The following GALNTL6 variants were observed in gnomAD, a reference collection of about 807,000 sequenced individuals.
GALNTL6 encodes the protein polypeptide N-acetylgalactosaminyltransferase like 6.
A neutral mutation model predicts 73.7 loss-of-function variants in GALNTL6; 46 were observed. That is an observed-to-expected ratio of 0.62 (90% confidence interval 0.49 to 0.80). The LOEUF (loss-of-function observed/expected upper bound fraction) is 0.80, where lower values mean the gene tolerates loss of function less well. GALNTL6 is among the 30% of genes least tolerant of loss of function. The probability of loss-of-function intolerance (pLI) is 0.00; values close to 1 mark genes in which losing one functional copy is unlikely to be tolerated. For missense variants in GALNTL6, 604 were observed against 755.0 expected, an observed-to-expected ratio of 0.80 and a Z score of 2.34; for synonymous variants, 259 against 263.7, an observed-to-expected ratio of 0.98 and a Z score of 0.17.
intron 5 of GALNTL6, among the ~76,000 whole-genome samples, chr4:172,734,518 TA>T (rs1736338300): frequency 6.6e-6 from 1 of 152,160 alleles, no homozygotes; most frequent in Non-Finnish European, 1.5e-5. Context: ...GGGCAGTCAT[TA>T]AACCTCAAAG....
chr4:172,004,327 T>C (rs567476645), intron 2 of GALNTL6, among the ~76,000 whole-genome samples: 8 of 152,208 alleles, frequency 5.3e-5, no homozygotes, highest in Non-Finnish European at 1.0e-4. Flanking sequence ...AGAGATAAAA[T>C]CAACAGCAAC....
intron 7 of GALNTL6, among the ~76,000 whole-genome samples, chr4:172,866,439 G>T (rs1271318111): frequency 6.6e-6 from 1 of 152,138 alleles, no homozygotes; most frequent in Non-Finnish European, 1.5e-5. Flanking sequence ...TTTTTCCATT[G>T]TCCAGTGGGG....
At chr4:172,788,564 CG>C (rs888208523) in intron 5 of GALNTL6, among the ~76,000 whole-genome samples, 4 of 148,428 alleles carry the variant, frequency 2.7e-5, no homozygotes, top group Non-Finnish European at 5.9e-5. Flanking sequence ...CCCAGCTACT[CG>C]GGAGGCTGAG....
intron 2 of GALNTL6, among the ~76,000 whole-genome samples, chr4:172,034,391 CGTGCGTGCGTGTGTGTGTGTGT>C (rs1741866210): frequency 2.7e-5 from 2 of 74,924 alleles, no homozygotes; most frequent in South Asian, 1.4e-3. Flanking sequence ...TTAAGGGGAG[CGTGCGTGCGTGTGTGTGTGTGT>C]GTGTGTGTGT....
At chr4:172,376,190 C>T (rs987529975) in intron 5 of GALNTL6, among the ~76,000 whole-genome samples, 1 of 152,130 alleles carries the variant, frequency 6.6e-6, no homozygotes, top group Non-Finnish European at 1.5e-5. Flanking sequence ...AGAAATCATT[C>T]TTACAGGAGA....
intron 2 of GALNTL6, among the ~76,000 whole-genome samples, chr4:172,095,931 A>G (rs956403319): frequency 8.6e-5 from 13 of 151,922 alleles, no homozygotes; most frequent in African/African-American, 3.1e-4. Context: ...AAATTGGGAA[A>G]TTTTAGATTT....
chr4:172,668,251 AT>A (rs1299971251), intron 5 of GALNTL6: 8 of 152,234 alleles, frequency 5.3e-5, no homozygotes, highest in South Asian at 2.1e-4. Context: ...TTTTAAAAAA[AT>A]GAATTGTACA....
intron 2 of GALNTL6, among the ~76,000 whole-genome samples, chr4:172,095,823 A>G (rs10780086): frequency 0.88 from 133,671 of 152,064 alleles, 60,295 homozygotes; most frequent in East Asian, 1. Context: ...TGTTGGAAGA[A>G]TTTTCCCCAC....
chr4:172,722,359 C>T (rs1735532950), intron 5 of GALNTL6, among the ~76,000 whole-genome samples: 1 of 151,732 alleles, frequency 6.6e-6, no homozygotes, highest in Admixed American at 6.6e-5. Context: ...AAAGTAACAC[C>T]CCTTCTAAGA....
intron 2 of GALNTL6, among the ~76,000 whole-genome samples, chr4:171,926,942 G>A (rs759471859): frequency 1.3e-4 from 19 of 151,768 alleles, no homozygotes; most frequent in Non-Finnish European, 1.5e-4. Context: ...TTTTTAATCC[G>A]CCCTTAAAGA....
intron 5 of GALNTL6, among the ~76,000 whole-genome samples, chr4:172,412,286 C>T (rs1744473786): frequency 6.6e-6 from 1 of 152,184 alleles, no homozygotes; most frequent in South Asian, 2.1e-4. Context: ...AAGCCATCCA[C>T]TCACCTTGGC....
intron 2 of GALNTL6, among the ~76,000 whole-genome samples, chr4:172,092,875 C>CT (rs201817743): frequency 0.032 from 4,227 of 130,304 alleles, 94 homozygotes; most frequent in Non-Finnish European, 0.039. Flanking sequence ...TTTTTCTTTT[C>CT]TTTTTTTTTT....
chr4:172,339,257 CCACACA>C (rs70941402), intron 4 of GALNTL6, among the ~76,000 whole-genome samples: 9,759 of 120,876 alleles, frequency 0.081, 410 homozygotes, highest in Non-Finnish European at 0.088. Context: ...CACACACACA[CCACACA>C]CACACACACA....
At chr4:172,404,107 T>C (rs1744131756) in intron 5 of GALNTL6, among the ~76,000 whole-genome samples, 1 of 152,042 alleles carries the variant, frequency 6.6e-6, no homozygotes, top group South Asian at 2.1e-4. Context: ...TCTGTAAGTA[T>C]ATATACATAC....
intron 2 of GALNTL6, among the ~76,000 whole-genome samples, chr4:171,992,137 A>G (rs1489097392): frequency 2.6e-5 from 4 of 152,088 alleles, no homozygotes. Flanking sequence ...AGTGGAAAGC[A>G]GTGAATTGGC....
At chr4:171,843,663 A>G (rs1346254658) in intron 2 of GALNTL6, among the ~76,000 whole-genome samples, 2 of 152,142 alleles carry the variant, frequency 1.3e-5, no homozygotes, top group African/African-American at 2.4e-5. Context: ...ATGCATATGT[A>G]TGTGTAATAT....
intron 2 of GALNTL6, among the ~76,000 whole-genome samples, chr4:172,042,954 AAC>A (rs1742127299): frequency 6.6e-6 from 1 of 150,878 alleles, no homozygotes; most frequent in Non-Finnish European, 1.5e-5. Flanking sequence ...TAAAATTTGA[AAC>A]ACAGTGTTAC....
At position 172,662,313 on chromosome 4, in the gene GALNTL6, C is replaced by T. The variant is rs756886576; in HGVS notation, c.554-147048C>T. Among the ~76,000 whole-genome samples, 32 of 152,296 alleles carry T rather than the reference C, an allele frequency of 2.1e-4. 1 individual carries two copies. In the South Asian group the frequency reaches 6.4e-3, roughly 31 times the overall value. On this transcript the variant is annotated intron_variant, in intron 5 of 12. Transcript: ENST00000506823. The stretch of plus-strand genomic sequence containing the variant: ...CTAATTGCGAAATATTTCCAATTCT[C>T]TTCCCAGACATCTTGAAGGACTGCC...
intron 5 of GALNTL6, among the ~76,000 whole-genome samples, chr4:172,659,458 C>A (rs1335482060): frequency 6.6e-6 from 1 of 152,122 alleles, no homozygotes; most frequent in East Asian, 1.9e-4. Context: ...TGCTACTGAA[C>A]ACTAGATCTT....
Sources: gnomAD v4.1 joint callset for allele counts (sites outside exome capture counted in the v4.1 genomes callset) on GRCh38, gnomAD v4.1.1 for gene constraint, MANE v1.5 for transcripts, NCBI Gene and HGNC (gene_info 2026-07-23, HGNC 2026-07-21) for gene names.